Variants in KIRREL3 observed in about 807,000 individuals in gnomAD.
KIRREL3 encodes kin of IRRE-like protein 3.
KIRREL3 carries 36 observed loss-of-function variants against 89.7 expected under a neutral mutation model. That is an observed-to-expected ratio of 0.40 (90% CI 0.31 to 0.53). The LOEUF is 0.53. Among genes scored for constraint, KIRREL3 ranks in the 20% least tolerant of loss-of-function variants. KIRREL3 has a pLI of 0.49. For missense variants in KIRREL3, 864 were observed against 1,056.6 expected, an observed-to-expected ratio of 0.82 and a Z score of 2.53; for synonymous variants, 445 against 441.4, an observed-to-expected ratio of 1.01 and a Z score of -0.10.
At position 126,451,572 on chromosome 11, in the gene KIRREL3, A is replaced by ATGTG. The variant is rs35894823; in HGVS notation, c.849-2419_849-2416dup. 2.6e-3 allele frequency among the ~76,000 whole-genome samples: 348 copies of ATGTG among 136,304 alleles called. 3 individuals are homozygous for ATGTG. Among genetic ancestry groups the ATGTG allele is most frequent in the Non-Finnish European group, 2.7e-3 (173 of 64,314 alleles). 89.4% of individuals were successfully genotyped at this position (136,304 alleles called of 152,430 possible). On this transcript the variant is annotated intron_variant, in intron 7 of 16. Transcript: ENST00000525144. ...TGTGTGCATGTGTGTGATCATGTGC[A>ATGTG]TGTGTGTGTGCGTGTGTGTACATGT...
At chr11:126,452,019 C>T (rs1243474509) in intron 7 of KIRREL3, among the ~76,000 whole-genome samples, 3 of 152,104 alleles carry the variant, frequency 2.0e-5, no homozygotes, top group Non-Finnish European at 4.4e-5. Context: ...GCACCACAAA[C>T]GCCGTCTCCT....
chr11:126,836,617 C>T (rs1357878935), intron 1 of KIRREL3, among the ~76,000 whole-genome samples: 4 of 152,178 alleles, frequency 2.6e-5, no homozygotes, highest in African/African-American at 9.7e-5. Flanking sequence ...AGAAAGCCAA[C>T]TTTCTGTTGT....
rs1038683235 is a variant in KIRREL3 at position 126,750,588 on chromosome 11, T to C, written c.56-187676A>G. 6.6e-6 allele frequency among the ~76,000 whole-genome samples: 1 copy of C among 152,230 alleles called. No homozygotes were observed. Among genetic ancestry groups the C allele is most frequent in the African/African-American group, 2.4e-5 (1 of 41,450 alleles). On this transcript the variant is annotated intron_variant, in intron 1 of 16. Transcript: ENST00000525144. The surrounding 1 kb of genome is among the most constrained non-coding windows in gnomAD (Gnocchi z 4.2). ...CCTGAGCTGTGGCTAGTGGTAAAGC[T>C]TCTACAGAACTGTTTAGTGGGAAAG...
chr11:126,851,323 C>T (rs1485830360), intron 1 of KIRREL3, among the ~76,000 whole-genome samples: 2 of 152,202 alleles, frequency 1.3e-5, no homozygotes, highest in African/African-American at 2.4e-5. Flanking sequence ...CACTTGTACA[C>T]TACTGGTCCT....
chr11:126,874,032 C>T (rs1945192879), intron 1 of KIRREL3, among the ~76,000 whole-genome samples: 1 of 152,192 alleles, frequency 6.6e-6, no homozygotes. Context: ...TTTGCACCTC[C>T]CCTTCCTGTG....
Position 126,669,568 on chromosome 11 carries a change from T to C in KIRREL3, c.56-106656A>G, listed in dbSNP as rs1461173199. Among the ~76,000 whole-genome samples, 2 of 152,196 alleles carry C rather than the reference T, an allele frequency of 1.3e-5. No homozygotes were observed. Among genetic ancestry groups the C allele is most frequent in the Non-Finnish European group, 2.9e-5 (2 of 68,040 alleles). On this transcript the variant is annotated intron_variant, in intron 1 of 16. Coordinates refer to ENST00000525144, the MANE Select transcript of KIRREL3 (RefSeq NM_032531.4). The surrounding 1 kb of genome is among the most constrained non-coding windows in gnomAD (Gnocchi z 5.0). The stretch of plus-strand genomic sequence containing the variant: ...TCCAGTGCATGGGTACAGATCTCAG[T>C]AGCACACATGGAACATTTGCTAACT...
chr11:126,821,823 A>T (rs1943236497), intron 1 of KIRREL3, among the ~76,000 whole-genome samples: 1 of 152,176 alleles, frequency 6.6e-6, no homozygotes, highest in Non-Finnish European at 1.5e-5. Context: ...TTGGTTTGGA[A>T]GATGGAGTTA....
Position 126,970,920 on chromosome 11 carries a change from G to T in KIRREL3, c.55+29535C>A, listed in dbSNP as rs1379976754. 6.6e-6 allele frequency among the ~76,000 whole-genome samples: 1 copy of T among 152,204 alleles called. No individual in the cohort carries two copies. The highest frequency in any genetic ancestry group is 1.5e-5 in the Non-Finnish European group (1 of 68,036). On this transcript the variant is annotated intron_variant, in intron 1 of 16. Coordinates refer to ENST00000525144, the MANE Select transcript of KIRREL3 (RefSeq NM_032531.4). The surrounding 1 kb of genome is among the most constrained non-coding windows in gnomAD (Gnocchi z 4.4). Reference sequence around the variant, plus strand: ...GAACCACAAACAGAAGCACATGGCGGTGCTATGGCTTCTCCCCCACCCACC... The same window carrying T: ...GAACCACAAACAGAAGCACATGGCGTTGCTATGGCTTCTCCCCCACCCACC...
intron 4 of KIRREL3, among the ~76,000 whole-genome samples, chr11:126,480,697 G>C (rs148337337): frequency 1.2e-3 from 179 of 152,336 alleles, no homozygotes; most frequent in African/African-American, 4.1e-3. Flanking sequence ...GACCTGGCAG[G>C]TACTCTCCTC....
At position 126,482,096 on chromosome 11, in the gene KIRREL3, T is replaced by C. The variant is rs554214313; in HGVS notation, c.434-8630A>G. Among the ~76,000 whole-genome samples, 316 of 152,376 alleles carry C rather than the reference T, an allele frequency of 2.1e-3. 1 individual carries two copies. The highest frequency in any genetic ancestry group is 7.4e-3 in the African/African-American group (307 of 41,596). On this transcript the variant is annotated intron_variant, in intron 4 of 16. Coordinates refer to ENST00000525144, the MANE Select transcript of KIRREL3 (RefSeq NM_032531.4). ...TCTTGTTGCCCAGGCTGGAGTGCAA[T>C]GGCATGATCTCGGCTCACTGCAACC...
rs1245115776 is a variant in KIRREL3 at position 126,545,379 on chromosome 11, A to C, written c.133+17456T>G. On this transcript the variant is annotated intron_variant, in intron 2 of 16. Coordinates refer to ENST00000525144, the MANE Select transcript of KIRREL3 (RefSeq NM_032531.4). ...GAGACATGGCTGAGCTTCACCCTGC[A>C]CTGCCCCATCTGTCCTTGCTGCTTT... Among the ~76,000 whole-genome samples the C allele has an allele frequency of 2.6e-5, 4 of 152,096 alleles. No individual in the cohort carries two copies. The East Asian group carries it at 7.7e-4, about 29-fold the overall frequency.
chr11:126,706,734 T>A (rs1364251727), intron 1 of KIRREL3, among the ~76,000 whole-genome samples: 1 of 152,252 alleles, frequency 6.6e-6, no homozygotes, highest in African/African-American at 2.4e-5. Context: ...TGTTCATCTT[T>A]TGATATGTTT....
intron 1 of KIRREL3, among the ~76,000 whole-genome samples, chr11:126,846,560 C>A (rs1442230233): frequency 6.6e-6 from 1 of 152,146 alleles, no homozygotes; most frequent in African/African-American, 2.4e-5. Context: ...CTAGGCTCCA[C>A]ACCTAGTACA....
chr11:126,658,077 T>C (rs1307258797), intron 1 of KIRREL3, among the ~76,000 whole-genome samples: 1 of 152,220 alleles, frequency 6.6e-6, no homozygotes, highest in Non-Finnish European at 1.5e-5. Context: ...AGTTAGCCCC[T>C]CCTTCTCCTT....
intron 4 of KIRREL3, among the ~76,000 whole-genome samples, chr11:126,487,559 A>C (rs1323557299): frequency 6.6e-6 from 1 of 152,234 alleles, no homozygotes; most frequent in Non-Finnish European, 1.5e-5. Context: ...TAAGAGGAAA[A>C]AGTCAAAATC....
intron 1 of KIRREL3, among the ~76,000 whole-genome samples, chr11:126,785,495 G>A (rs1950459260): frequency 6.6e-6 from 1 of 152,102 alleles, no homozygotes; most frequent in African/African-American, 2.4e-5. Context: ...TTCTTTCTAA[G>A]GGGCAGGAGA....
chr11:126,711,739 G>A (rs746562309), intron 1 of KIRREL3, among the ~76,000 whole-genome samples: 6 of 152,216 alleles, frequency 3.9e-5, no homozygotes, highest in East Asian at 1.9e-4. Flanking sequence ...TGAGAATTTA[G>A]TAGGCTCAGG....
intron 1 of KIRREL3, among the ~76,000 whole-genome samples, chr11:126,584,036 G>A (rs749020287): frequency 6.6e-6 from 1 of 152,146 alleles, no homozygotes; most frequent in Non-Finnish European, 1.5e-5. Flanking sequence ...TTAGCTTAAC[G>A]TAGCTGACAT....
rs541244568 is a variant in KIRREL3, at chr11:126,926,840, G to A, written c.55+73615C>T. Among the ~76,000 whole-genome samples the A allele has an allele frequency of 3.9e-5, 6 of 152,294 alleles. No homozygotes were observed. The East Asian group carries it at 5.8e-4, about 15-fold the overall frequency. Reference sequence around the variant, plus strand: ...GTCTTGGTCAGAAGTTTTTCTAATCGCTATGGATTTTTCCCCCATTTTAGT... The same window carrying A: ...GTCTTGGTCAGAAGTTTTTCTAATCACTATGGATTTTTCCCCCATTTTAGT... On this transcript the variant is annotated intron_variant, in intron 1 of 16. Coordinates refer to ENST00000525144, the MANE Select transcript of KIRREL3 (RefSeq NM_032531.4).
Sources: allele counts gnomAD v4.1 joint callset (sites outside exome capture counted in the v4.1 genomes callset), GRCh38; gene constraint gnomAD v4.1.1; non-coding constraint Gnocchi (gnomAD v3.1); transcripts MANE v1.5; gene names NCBI Gene and HGNC (gene_info 2026-07-23, HGNC 2026-07-21).